NBPF12: variants seen among roughly 807,000 people sequenced by gnomAD.
The protein encoded by NBPF12 is NBPF member 12.
In NBPF12, 115 loss-of-function variants were observed where a neutral mutation model predicts 146.4. The ratio of observed to expected loss-of-function variants is 0.79; its 90% CI spans 0.68 to 0.92. The LOEUF (loss-of-function observed/expected upper bound fraction) is 0.92, where lower values mean the gene tolerates loss of function less well. NBPF12 is among the 40% of genes least tolerant of loss of function. The pLI is 0.00. For synonymous variants in NBPF12, 385 were observed against 508.9 expected, an observed-to-expected ratio of 0.76 and a Z score of 3.28; for missense variants, 1,205 against 1,326.8, an observed-to-expected ratio of 0.91 and a Z score of 1.43.
chr1:146,963,657 C>G (rs1451077582), intron 6 of NBPF12, among the ~76,000 whole-genome samples: 1 of 151,840 alleles, frequency 6.6e-6, no homozygotes, highest in Non-Finnish European at 1.5e-5. Context: ...GTCTTTTTGG[C>G]AATGTTCTTA....
At chr1:146,960,426 T>C in intron 4 of NBPF12, 108 bp downstream of exon 7, 1 of 620,072 alleles carries the variant, frequency 1.6e-6, no homozygotes, top group East Asian at 2.6e-5. Flanking sequence ...TTCCTGTACT[T>C]CTAGGAAAAC....
intron 21 of NBPF12, 38 bp from the exon 25 acceptor site, chr1:146,984,775 C>G: frequency 1.0e-6 from 1 of 984,404 alleles, no homozygotes. Context: ...GTTTCTGATT[C>G]CCCCTGGCTT....
intron 21 of NBPF12, among the ~76,000 whole-genome samples, chr1:146,984,594 T>C (rs1367651090): frequency 7.7e-6 from 1 of 129,350 alleles, no homozygotes; most frequent in Non-Finnish European, 1.5e-5. Context: ...TGTGTGTGTG[T>C]GTGTGTGTGT....
intron 2 of NBPF12, among the ~76,000 whole-genome samples, chr1:146,953,116 C>G (rs1411378818): frequency 7.3e-6 from 1 of 137,288 alleles, no homozygotes; most frequent in Non-Finnish European, 1.5e-5. Flanking sequence ...TCCCTGCTGT[C>G]AGAACAACAG....
intron 24 of NBPF12, among the ~76,000 whole-genome samples, 200 bp from the exon 28 acceptor site, chr1:146,987,034 A>G (rs1444373445): frequency 3.6e-5 from 5 of 139,022 alleles, no homozygotes; most frequent in African/African-American, 1.1e-4. Flanking sequence ...CTACCAGAAT[A>G]GGGATATTTC....
chr1:146,949,459 T>C (rs1185045356), intron 1 of NBPF12, 37 bp downstream of exon 4: 2 of 129,244 alleles, frequency 1.5e-5, no homozygotes, highest in Non-Finnish European at 3.2e-5. Flanking sequence ...CTTTCATTGA[T>C]TGGTCGATTG....
chr1:146,994,579 G>T (rs1485219990), exon 34 of NBPF12: 4 of 1,608,622 alleles, frequency 2.5e-6, no homozygotes, highest in African/African-American at 1.4e-5. Context: ...ACAATAAGCA[G>T]CCCTTACTAA....
At chr1:146,942,287 C>T (rs1196747541) in intron 1 of NBPF12, among the ~76,000 whole-genome samples, 6 of 151,020 alleles carry the variant, frequency 4.0e-5, no homozygotes, top group African/African-American at 1.5e-4. Context: ...TCACATCTGG[C>T]CATTTTAGTT....
intron 1 of NBPF12, among the ~76,000 whole-genome samples, chr1:146,941,455 G>GT: frequency 6.7e-6 from 1 of 149,516 alleles, no homozygotes; most frequent in East Asian, 2.0e-4. Context: ...ATTGTGTCCT[G>GT]TTTAAGAAAT....
upstream of NBPF12, among the ~76,000 whole-genome samples, chr1:146,948,630 A>G (rs1311316180): frequency 5.9e-3 from 892 of 152,190 alleles, 16 homozygotes; most frequent in African/African-American, 0.02. Flanking sequence ...ACCTCTGCCT[A>G]GGAAAGCCAG....
chr1:146,992,565 C>T (rs1384486193), intron 31 of NBPF12, 147 bp from the exon 35 acceptor site: 3 of 525,918 alleles, frequency 5.7e-6, no homozygotes, highest in African/African-American at 2.1e-5. Context: ...TCTGTCCCAA[C>T]ATGAAGGCAA....
In NBPF12 at chr1:146,973,170, G is replaced by A. The variant is rs1553886848; in HGVS notation, c.1801+210G>A. On this transcript the variant is annotated intron_variant, in intron 14 of 33. Coordinates refer to ENST00000617844, the Ensembl canonical transcript of NBPF12. ...CCATGTTTGCAATCAGGTGGGGGTG[G>A]GACTAGAATTAAACTGCCATTTATT... 4.9e-3 allele frequency among the ~76,000 whole-genome samples: 718 copies of A among 147,592 alleles called. 10 individuals carry two copies. The highest frequency in any genetic ancestry group is 0.018 in the African/African-American group (682 of 38,566).
At chr1:146,988,641 C>CA (rs1657948353) in intron 26 of NBPF12, among the ~76,000 whole-genome samples, 200 bp from the exon 30 acceptor site, 1 of 151,480 alleles carries the variant, frequency 6.6e-6, no homozygotes, top group Admixed American at 6.6e-5. Context: ...AGAATAGGGA[C>CA]ATTTTACCCA....
At chr1:146,975,010 A>G (rs1234943498) in intron 15 of NBPF12, among the ~76,000 whole-genome samples, 169 bp downstream of exon 18, 7 of 113,264 alleles carry the variant, frequency 6.2e-5, no homozygotes, top group Non-Finnish European at 1.2e-4. Flanking sequence ...AGGATAATAA[A>G]AATTTATGGG....
chr1:146,944,806 C>T, upstream of NBPF12, among the ~76,000 whole-genome samples: 1 of 151,506 alleles, frequency 6.6e-6, no homozygotes, highest in South Asian at 2.1e-4. Flanking sequence ...TCTTTTCTTC[C>T]CTACTTCTCT....
chr1:146,957,919 GTA>G lies in NBPF12; in HGVS notation c.-183-1935_-183-1934del. ...TATATATACACGTATGTATATACACGTATATAATATATATTCGTGTGTGTATA... is the reference window on the plus strand; with the variant it reads ...TATATATACACGTATGTATATACACGTATAATATATATTCGTGTGTGTATA... On this transcript the variant is annotated intron_variant, in intron 2 of 33. Transcript: ENST00000617844. 1.8e-5 allele frequency among the ~76,000 whole-genome samples: 2 copies of G among 113,034 alleles called. 1 individual carries two copies. The highest frequency in any genetic ancestry group is 3.7e-5 in the Non-Finnish European group (2 of 54,238). The allele number at this position is 113,034 out of a possible 152,430, so 74.2% of individuals were successfully genotyped here.
chr1:146,992,522 C>T (rs1658264661), intron 31 of NBPF12, among the ~76,000 whole-genome samples, 190 bp from the exon 35 acceptor site: 1 of 127,152 alleles, frequency 7.9e-6, no homozygotes, highest in South Asian at 2.6e-4. Context: ...GTCTATCTGT[C>T]TTTCTCTTTC....
chr1:146,948,854 A>C (rs1429660934), upstream of NBPF12, among the ~76,000 whole-genome samples: 51 of 151,460 alleles, frequency 3.4e-4, 1 homozygote, highest in East Asian at 4.9e-3. Context: ...GTAAAGCCCG[A>C]TTGTATATTC....
At chr1:146,966,718 C>G in intron 9 of NBPF12, 45 bp downstream of exon 12, 1 of 1,063,736 alleles carries the variant, frequency 9.4e-7, no homozygotes, top group Non-Finnish European at 1.5e-6. Context: ...GAACAACGTC[C>G]TGTCTTCTCT....
Sources: allele counts gnomAD v4.1 joint callset (sites outside exome capture counted in the v4.1 genomes callset), GRCh38; gene constraint gnomAD v4.1.1; transcripts MANE v1.5; gene names NCBI Gene and HGNC (gene_info 2026-07-23, HGNC 2026-07-21).